RNF13: variants seen among roughly 807,000 people sequenced by gnomAD.
The protein encoded by RNF13 is E3 ubiquitin-protein ligase RNF13.
In RNF13, 19 loss-of-function variants were observed where a neutral mutation model predicts 37.7. The ratio of observed to expected loss-of-function variants is 0.50; its 90% CI spans 0.35 to 0.74. The LOEUF is 0.74. RNF13 is among the 30% of genes least tolerant of loss of function. The pLI, the probability that RNF13 is intolerant of heterozygous loss-of-function variation, is 0.01. For synonymous variants in RNF13, 144 were observed against 157.8 expected, an observed-to-expected ratio of 0.91 and a Z score of 0.65; for missense variants, 375 against 453.0, an observed-to-expected ratio of 0.83 and a Z score of 1.56.
intron 3 of RNF13, among the ~76,000 whole-genome samples, chr3:149,853,910 C>G (rs1387150921): frequency 6.7e-6 from 1 of 148,346 alleles, no homozygotes; most frequent in Non-Finnish European, 1.5e-5. Context: ...AATCTTGGCT[C>G]ACTGCAACGT....
At chr3:149,883,651 G>A (rs1713675584) in intron 4 of RNF13, among the ~76,000 whole-genome samples, 1 of 150,224 alleles carries the variant, frequency 6.7e-6, no homozygotes, top group Non-Finnish European at 1.5e-5. Flanking sequence ...TTTTCTCATG[G>A]TTATGGGTCA....
intron 8 of RNF13, among the ~76,000 whole-genome samples, chr3:149,945,236 G>A (rs1198421237): frequency 6.6e-6 from 1 of 152,216 alleles, no homozygotes; most frequent in Non-Finnish European, 1.5e-5. Flanking sequence ...TTTGAAGTCA[G>A]GTAGTGTAAT....
At chr3:149,903,752 TCAAA>T (rs1462681933) in intron 6 of RNF13, among the ~76,000 whole-genome samples, 3 of 152,284 alleles carry the variant, frequency 2.0e-5, no homozygotes, top group Admixed American at 1.3e-4. Context: ...CACCCCATAA[TCAAA>T]CAAATTAATG....
intron 4 of RNF13, among the ~76,000 whole-genome samples, chr3:149,888,290 A>G (rs1299319641): frequency 1.3e-5 from 2 of 152,226 alleles, no homozygotes; most frequent in Admixed American, 6.5e-5. Flanking sequence ...CCCAATTAAA[A>G]TAAATGATCT....
chr3:149,898,776 A>G (rs898887330), intron 5 of RNF13, among the ~76,000 whole-genome samples: 3 of 152,192 alleles, frequency 2.0e-5, no homozygotes, highest in Non-Finnish European at 4.4e-5. Context: ...GATGTGCTAT[A>G]ATGTCAAGTA....
At chr3:149,855,035 A>G (rs766934740) in intron 3 of RNF13, among the ~76,000 whole-genome samples, 1 of 152,154 alleles carries the variant, frequency 6.6e-6, no homozygotes, top group Non-Finnish European at 1.5e-5. Context: ...ATTACCCTGC[A>G]AGGCTGGGCT....
At chr3:149,833,245 G>A (rs950402404) in intron 1 of RNF13, among the ~76,000 whole-genome samples, 2 of 149,574 alleles carry the variant, frequency 1.3e-5, no homozygotes, top group East Asian at 2.0e-4. Context: ...TCAGCCTCCC[G>A]AGTAGCTGGG....
chr3:149,853,450 GAGAGGGAGA>G, intron 3 of RNF13, among the ~76,000 whole-genome samples: 2 of 117,062 alleles, frequency 1.7e-5, no homozygotes, highest in Non-Finnish European at 3.5e-5. Context: ...GTGAGAGAGA[GAGAGGGAGA>G]GAGAGAGAGA....
At chr3:149,960,595 A>T (rs1234359596) in intron 9 of RNF13, 145 bp from the exon 10 acceptor site, 1 of 834,456 alleles carries the variant, frequency 1.2e-6, no homozygotes, top group East Asian at 3.0e-5. Flanking sequence ...CCATCTCAAA[A>T]AAAAATAAAA....
intron 8 of RNF13, chr3:149,939,657 C>A: frequency 1.4e-6 from 1 of 692,744 alleles, no homozygotes; most frequent in Non-Finnish European, 2.6e-6. Flanking sequence ...TCCCTGAAAT[C>A]ACCGTTCTTA....
At chr3:149,914,594 A>G (rs1559947631) in intron 7 of RNF13, among the ~76,000 whole-genome samples, 1 of 152,162 alleles carries the variant, frequency 6.6e-6, no homozygotes, top group Non-Finnish European at 1.5e-5. Context: ...AAAACTTAAA[A>G]TAAACATTAT....
chr3:149,944,874 A>G (rs567240204), intron 8 of RNF13, among the ~76,000 whole-genome samples: 162 of 152,234 alleles, frequency 1.1e-3, no homozygotes, highest in African/African-American at 3.7e-3. Context: ...TTAGACATGA[A>G]GTCCTTGCCC....
In RNF13 at chr3:149,945,408, A is replaced by G. The variant is rs546682897; in HGVS notation, c.701-14648A>G. On this transcript the variant is annotated intron_variant, in intron 8 of 9. Transcript: ENST00000392894. ...ATTGCTGAGGCTTGTGTAGGTAAAC[A>G]AAGTGGTTAGGAAGCTCGAACTGGG... Among the ~76,000 whole-genome samples, 5 of 152,328 alleles carry G rather than the reference A, an allele frequency of 3.3e-5. No individual in the cohort carries two copies. In the East Asian group the frequency reaches 9.7e-4, roughly 29 times the overall value.
chr3:149,816,827 A>G (rs1263121027), intron 1 of RNF13, among the ~76,000 whole-genome samples: 1 of 152,208 alleles, frequency 6.6e-6, no homozygotes, highest in Non-Finnish European at 1.5e-5. Context: ...AGAAGTAGGA[A>G]TACCATGCAA....
intron 1 of RNF13, among the ~76,000 whole-genome samples, chr3:149,836,036 A>T (rs1245129304): frequency 1.3e-5 from 2 of 152,170 alleles, no homozygotes; most frequent in African/African-American, 4.8e-5. Flanking sequence ...CTTTCACCAC[A>T]TCCATGCCAA....
chr3:149,821,238 A>G (rs1384210679), intron 1 of RNF13, among the ~76,000 whole-genome samples: 3 of 152,204 alleles, frequency 2.0e-5, no homozygotes, highest in Non-Finnish European at 4.4e-5. Flanking sequence ...AGGACCTGCC[A>G]AACTGCTTTC....
At chr3:149,925,625 CT>C (rs543163468) in intron 8 of RNF13, among the ~76,000 whole-genome samples, 147 of 150,466 alleles carry the variant, frequency 9.8e-4, no homozygotes, top group African/African-American at 3.3e-3. Flanking sequence ...AATTGACATT[CT>C]TTTTTTTTCA....
chr3:149,878,281 A>G (rs1428808703), intron 4 of RNF13, among the ~76,000 whole-genome samples: 7 of 152,214 alleles, frequency 4.6e-5, no homozygotes, highest in Admixed American at 3.3e-4. Flanking sequence ...CAGATATACT[A>G]TAAATGAACG....
chr3:149,955,877 C>CA (rs1721813131), intron 8 of RNF13, among the ~76,000 whole-genome samples: 1 of 152,188 alleles, frequency 6.6e-6, no homozygotes, highest in Non-Finnish European at 1.5e-5. Context: ...TGCACTGTGA[C>CA]TATTTTAACT....
Sources: allele counts gnomAD v4.1 joint callset (sites outside exome capture counted in the v4.1 genomes callset), GRCh38; gene constraint gnomAD v4.1.1; transcripts MANE v1.5; gene names NCBI Gene and HGNC (gene_info 2026-07-23, HGNC 2026-07-21).